Variants in ZNF91 observed in about 807,000 individuals in gnomAD.
The protein encoded by ZNF91 is zinc finger protein 91.
A neutral mutation model predicts 12.6 loss-of-function variants in ZNF91; 7 were observed. That is an observed-to-expected ratio of 0.55 (90% CI 0.31 to 1.04). The LOEUF is 1.04. Among genes scored for constraint, ZNF91 ranks in the 50% least tolerant of loss-of-function variants. ZNF91 has a pLI of 0.05. For missense variants in ZNF91, 1,217 were observed against 1,385.4 expected, an observed-to-expected ratio of 0.88 and a Z score of 1.93; for synonymous variants, 453 against 462.6, an observed-to-expected ratio of 0.98 and a Z score of 0.27.
chr19:23,390,565 C>T (rs1970031388), intron 1 of ZNF91, among the ~76,000 whole-genome samples: 1 of 152,108 alleles, frequency 6.6e-6, no homozygotes, highest in African/African-American at 2.4e-5. Flanking sequence ...ACCATGTTGG[C>T]CAGGCTGGTC....
chr19:23,370,215 C>A (rs957471741), intron 3 of ZNF91, among the ~76,000 whole-genome samples: 1 of 151,168 alleles, frequency 6.6e-6, no homozygotes, highest in African/African-American at 2.4e-5. Context: ...GAGTATTATT[C>A]AACCTTAAAA....
chr19:23,346,799 C>T (rs1433127364), intron 3 of ZNF91, among the ~76,000 whole-genome samples: 1 of 152,164 alleles, frequency 6.6e-6, no homozygotes, highest in Non-Finnish European at 1.5e-5. Context: ...TCCATGCCAA[C>T]TTAACAGTTT....
upstream of ZNF91, among the ~76,000 whole-genome samples, chr19:23,315,427 T>A (rs1967540454): frequency 1.3e-5 from 2 of 152,166 alleles, no homozygotes; most frequent in African/African-American, 4.8e-5. Context: ...GTGACTCTTC[T>A]CTTTTGCTTG....
chr19:23,336,226 G>C (rs1322474337), downstream of ZNF91, among the ~76,000 whole-genome samples: 1 of 152,178 alleles, frequency 6.6e-6, no homozygotes, highest in Non-Finnish European at 1.5e-5. Context: ...CAAGGAAATC[G>C]AGTACATGGA....
chr19:23,323,246 TCTC>T (rs773299001), intron 1 of ZNF91, among the ~76,000 whole-genome samples: 5 of 147,750 alleles, frequency 3.4e-5, no homozygotes, highest in Non-Finnish European at 6.0e-5. Flanking sequence ...TCCTCTCCTT[TCTC>T]CTCTCCTCCT....
At chr19:23,369,470 G>GC (rs574327405) in intron 3 of ZNF91, among the ~76,000 whole-genome samples, 119 of 152,120 alleles carry the variant, frequency 7.8e-4, no homozygotes, top group African/African-American at 2.7e-3. Flanking sequence ...GAAGTGAGGA[G>GC]CCCCTCTGCC....
At chr19:23,329,565 T>A (rs190094348) in intron 1 of ZNF91, among the ~76,000 whole-genome samples, 14 of 152,354 alleles carry the variant, frequency 9.2e-5, no homozygotes, top group Middle Eastern at 3.4e-3. Context: ...GATGCTAAGA[T>A]CTTCACTAGC....
In ZNF91 at chr19:23,358,931, C is replaced by T; in HGVS notation, c.*472G>A. On this transcript the variant is annotated 3_prime_UTR_variant, in exon 4 of 4. Transcript: ENST00000300619. The stretch of plus-strand genomic sequence containing the variant: ...ATTCAGGACTTTTTATAGACTTTAC[C>T]ACATTATTCACACTTGTAAGATTTC... 3.5e-6 allele frequency: 1 copy of T among 286,842 alleles called. No individual in the cohort carries two copies. Among genetic ancestry groups the T allele is most frequent in the Middle Eastern group, 4.3e-4 (1 of 2,318 alleles). The allele number at this position is 286,842 out of a possible 1,614,324, so 17.8% of individuals were successfully genotyped here.
chr19:23,334,438 C>A (rs1034070131), downstream of ZNF91, among the ~76,000 whole-genome samples: 1 of 152,120 alleles, frequency 6.6e-6, no homozygotes, highest in Admixed American at 6.5e-5. Flanking sequence ...TGTTCAGCAA[C>A]GTGCAGTGCA....
At chr19:23,384,602 T>A in intron 1 of ZNF91, 3 of 935,018 alleles carry the variant, frequency 3.2e-6, no homozygotes, top group Non-Finnish European at 4.3e-6. Flanking sequence ...ACTGAGACAT[T>A]CTGTCTCCCG....
In ZNF91 at chr19:23,360,512, C is replaced by T. The variant is rs1282019353; in HGVS notation, c.2467G>A (p.Glu823Lys). Residue 823 changes from glutamate (E) to lysine (K), a missense_variant, in exon 4 of 4, where the codon GAG (glutamate) becomes AAG (lysine). Glu to Lys is a moderately conservative substitution (Grantham distance 56). Coordinates refer to ENST00000300619, the MANE Select transcript of ZNF91 (RefSeq NM_003430.4). ...CATTCTTTACATTTGTAGGGTTTCTCTCCAGTATGAATTGTCTTATGCTTA... is the reference window on the plus strand; with the variant it reads ...CATTCTTTACATTTGTAGGGTTTCTTTCCAGTATGAATTGTCTTATGCTTA... ...LTKHKTIHTG[E>K]KPYKCKECGK... The T allele has an allele frequency of 6.2e-7, 1 of 1,613,824 alleles. No homozygotes were observed. Among genetic ancestry groups the T allele is most frequent in the South Asian group, 1.1e-5 (1 of 91,064 alleles).
At chr19:23,356,707 C>T (rs189058254), downstream of ZNF91, among the ~76,000 whole-genome samples, 2 of 151,902 alleles carry the variant, frequency 1.3e-5, no homozygotes, top group Admixed American at 1.3e-4. Flanking sequence ...AACCAAATAC[C>T]ACCTGTACAT....
intron 1 of ZNF91, among the ~76,000 whole-genome samples, chr19:23,309,279 A>G (rs1158078746): frequency 6.6e-6 from 1 of 152,076 alleles, no homozygotes; most frequent in Non-Finnish European, 1.5e-5. Flanking sequence ...GCCTTGTGAC[A>G]TATCTTTGCA....
At chr19:23,365,360 G>A (rs1251448534) in intron 3 of ZNF91, among the ~76,000 whole-genome samples, 2 of 150,720 alleles carry the variant, frequency 1.3e-5, no homozygotes, top group Non-Finnish European at 1.5e-5. Flanking sequence ...TAATCCTACA[G>A]TTTTAGGAGG....
In ZNF91 at chr19:23,381,462, C is replaced by CT. The variant is rs201511156; in HGVS notation, c.31-6699dup. Among the ~76,000 whole-genome samples the CT allele has an allele frequency of 3.9e-3, 534 of 137,692 alleles. 1 individual carries two copies. The highest frequency in any genetic ancestry group is 0.015 in the South Asian group (67 of 4,330). The allele number at this position is 137,692 out of a possible 152,430, so 90.3% of individuals were successfully genotyped here. A position where few individuals can be genotyped will look rare whatever the true frequency, so the allele number is the denominator to read the frequency against. ...TAAACTGAACTCTTTTTTTCTTTCT[C>CT]TTTTTTTTTTTTTTTTGAGACTGAG... On this transcript the variant is annotated intron_variant, in intron 1 of 3. Transcript: ENST00000300619.
rs1431896251 is a variant in ZNF91 at position 23,357,799 on chromosome 19, AGAATT to A, written c.*1599_*1603del. 1 of 152,206 alleles carries A rather than the reference AGAATT, an allele frequency of 6.6e-6. No homozygotes were observed. The highest frequency in any genetic ancestry group is 6.5e-5 in the Admixed American group (1 of 15,280). The allele number at this position is 152,206 out of a possible 1,614,324, so 9.4% of individuals were successfully genotyped here. A position where few individuals can be genotyped will look rare whatever the true frequency, so the allele number is the denominator to read the frequency against. On this transcript the variant is annotated 3_prime_UTR_variant, in exon 4 of 4. Transcript: ENST00000300619. ...TACATTTAAAAATAACTAAAACTGT[AGAATT>A]GAATTATTTGTAATACAAAGAATAA...
intron 1 of ZNF91, among the ~76,000 whole-genome samples, chr19:23,375,829 G>T (rs1469375320): frequency 1.3e-5 from 2 of 152,108 alleles, no homozygotes; most frequent in Non-Finnish European, 2.9e-5. Context: ...ATCTGTAAGA[G>T]AGCTTATTAA....
At chr19:23,308,928 G>A (rs1173078646) in exon 2 of ZNF91, 1 of 152,070 alleles carries the variant, frequency 6.6e-6, no homozygotes, top group African/African-American at 2.4e-5. Flanking sequence ...TAGCACCTAA[G>A]TAATGGTGAC....
chr19:23,391,667 C>T (rs894962062), intron 1 of ZNF91, among the ~76,000 whole-genome samples: 3 of 152,152 alleles, frequency 2.0e-5, no homozygotes, highest in African/African-American at 7.2e-5. Flanking sequence ...AAGACCCTCC[C>T]AATACCCTTT....
Sources: gnomAD v4.1 joint callset for allele counts (sites outside exome capture counted in the v4.1 genomes callset) on GRCh38, gnomAD v4.1.1 for gene constraint, MANE v1.5 for transcripts, NCBI Gene and HGNC (gene_info 2026-07-23, HGNC 2026-07-21) for gene names.